Variants in LRP1B observed in about 807,000 individuals in gnomAD.
The protein encoded by LRP1B is LDL receptor related protein 1B.
LRP1B carries 217 observed loss-of-function variants against 556.6 expected under a neutral mutation model. The ratio of observed to expected loss-of-function variants is 0.39; its 90% CI spans 0.35 to 0.44. The LOEUF is 0.44. Among genes scored for constraint, LRP1B ranks in the 20% least tolerant of loss-of-function variants. The probability of loss-of-function intolerance (pLI) is 1.00; values close to 1 mark genes in which losing one functional copy is unlikely to be tolerated. For missense variants in LRP1B, 5,053 were observed against 5,620.8 expected, an observed-to-expected ratio of 0.90 and a Z score of 3.23; for synonymous variants, 2,047 against 1,865.8, an observed-to-expected ratio of 1.10 and a Z score of -2.50.
chr2:141,887,115 C>G (rs921070331), intron 1 of LRP1B, among the ~76,000 whole-genome samples: 2 of 152,038 alleles, frequency 1.3e-5, no homozygotes, highest in Non-Finnish European at 1.5e-5. Flanking sequence ...CCTGCTTCAG[C>G]CTCCCTAGTA....
chr2:140,862,417 T>C (rs1350818610), intron 27 of LRP1B, among the ~76,000 whole-genome samples: 1 of 152,140 alleles, frequency 6.6e-6, no homozygotes, highest in East Asian at 1.9e-4. Context: ...TGCAGCAGAG[T>C]AACTGCAACA....
intron 1 of LRP1B, among the ~76,000 whole-genome samples, chr2:141,949,462 C>A (rs1406937569): frequency 6.6e-6 from 1 of 152,170 alleles, no homozygotes; most frequent in African/African-American, 2.4e-5. Context: ...ATGATCTCAG[C>A]TCACTGCAAC....
Position 140,541,656 on chromosome 2 carries a change from A to C in LRP1B, c.7387+123T>G, listed in dbSNP as rs983055671. On this transcript the variant is annotated intron_variant, in intron 44 of 90. Coordinates refer to ENST00000389484, the MANE Select transcript of LRP1B (RefSeq NM_018557.3). ...AAAAAACAAAATCCACAGTCATAGT[A>C]ACAAAAAATAATATTTTTTAAAAGA... is the stretch of plus-strand genomic sequence containing the variant. 13 of 786,308 alleles carry C rather than the reference A, an allele frequency of 1.7e-5. No homozygotes were observed. The African/African-American group carries it at 2.1e-4, about 13-fold the overall frequency. 48.7% of individuals were successfully genotyped at this position (786,308 alleles called of 1,614,324 possible).
chr2:141,155,528 G>T (rs1702045993), intron 7 of LRP1B, among the ~76,000 whole-genome samples: 1 of 151,270 alleles, frequency 6.6e-6, no homozygotes. Context: ...TACAGAACGT[G>T]CAGGTTTGTT....
intron 1 of LRP1B, among the ~76,000 whole-genome samples, chr2:141,912,416 A>G (rs763299154): frequency 2.6e-5 from 4 of 152,184 alleles, no homozygotes; most frequent in Non-Finnish European, 5.9e-5. Flanking sequence ...AATGATCAAC[A>G]CTATCGCAGC....
intron 41 of LRP1B, among the ~76,000 whole-genome samples, chr2:140,626,354 A>G (rs1198654711): frequency 6.6e-6 from 1 of 152,186 alleles, no homozygotes; most frequent in Non-Finnish European, 1.5e-5. Flanking sequence ...GAGAACCCTA[A>G]TTTAAATTAT....
intron 3 of LRP1B, among the ~76,000 whole-genome samples, chr2:141,354,330 C>T (rs189850208): frequency 6.6e-6 from 1 of 152,006 alleles, no homozygotes; most frequent in Admixed American, 6.6e-5. Context: ...AGAAGGTCAG[C>T]AGAACCCATC....
At position 140,650,913 on chromosome 2, in the gene LRP1B, G is replaced by T. The variant is rs541492113; in HGVS notation, c.6800-49274C>A. Among the ~76,000 whole-genome samples, 91 of 152,050 alleles carry T rather than the reference G, an allele frequency of 6.0e-4. 2 individuals carry two copies. In the South Asian group the frequency reaches 0.019, roughly 32 times the overall value. ...CAAGCAGTGAGCCTCTTTAGCCAGGGCAACTCTAATAGAATAAACATGTTA... is the reference window on the plus strand; with the variant it reads ...CAAGCAGTGAGCCTCTTTAGCCAGGTCAACTCTAATAGAATAAACATGTTA... On this transcript the variant is annotated intron_variant, in intron 41 of 90. Coordinates refer to ENST00000389484, the MANE Select transcript of LRP1B (RefSeq NM_018557.3).
chr2:141,510,309 A>G (rs1373735012), intron 2 of LRP1B, among the ~76,000 whole-genome samples: 1 of 151,908 alleles, frequency 6.6e-6, no homozygotes, highest in Admixed American at 6.6e-5. Flanking sequence ...ACGAAATTTA[A>G]TAACTCCATG....
intron 84 of LRP1B, among the ~76,000 whole-genome samples, chr2:140,295,113 C>T (rs1340008271): frequency 6.6e-6 from 1 of 151,920 alleles, no homozygotes; most frequent in Non-Finnish European, 1.5e-5. Context: ...CTCCTGACCT[C>T]GTGATCCGCG....
At chr2:140,295,143 G>A in intron 84 of LRP1B, among the ~76,000 whole-genome samples, 1 of 152,218 alleles carries the variant, frequency 6.6e-6, no homozygotes, top group South Asian at 2.1e-4. Flanking sequence ...CTCTCAAAGT[G>A]CTGGGATTAC....
At chr2:140,435,678 AAAAAG>A (rs764574017) in intron 66 of LRP1B, among the ~76,000 whole-genome samples, 27 of 152,116 alleles carry the variant, frequency 1.8e-4, no homozygotes, top group Non-Finnish European at 2.8e-4. Context: ...AGAAAAAAAA[AAAAAG>A]AAAGAAACAT....
intron 6 of LRP1B, among the ~76,000 whole-genome samples, chr2:141,200,941 TC>T (rs1681988458): frequency 1.3e-5 from 2 of 152,162 alleles, no homozygotes; most frequent in Admixed American, 6.6e-5. Context: ...ACCTCTTCAG[TC>T]AGTTTAAGCA....
chr2:140,636,630 C>T (rs1462218046), intron 41 of LRP1B, among the ~76,000 whole-genome samples: 1 of 152,078 alleles, frequency 6.6e-6, no homozygotes, highest in African/African-American at 2.4e-5. Context: ...CATACCACAT[C>T]CTCCTTCATC....
At chr2:141,668,016 G>A (rs1324433633) in intron 2 of LRP1B, among the ~76,000 whole-genome samples, 1 of 152,138 alleles carries the variant, frequency 6.6e-6, no homozygotes, top group Non-Finnish European at 1.5e-5. Flanking sequence ...TGTATGTCAA[G>A]TCCCTAGTAT....
chr2:140,941,567 C>G (rs1695403234), intron 20 of LRP1B, among the ~76,000 whole-genome samples: 1 of 152,150 alleles, frequency 6.6e-6, no homozygotes, highest in Non-Finnish European at 1.5e-5. Flanking sequence ...CTTATTCTTA[C>G]ATACCATCTA....
chr2:141,977,195 A>T (rs1181701266), intron 1 of LRP1B, among the ~76,000 whole-genome samples: 2 of 152,050 alleles, frequency 1.3e-5, no homozygotes, highest in African/African-American at 4.8e-5. Context: ...AAAATTTTAA[A>T]TCCTATTTCT....
chr2:141,510,877 A>AAC (rs763698242), intron 2 of LRP1B, among the ~76,000 whole-genome samples: 167 of 141,356 alleles, frequency 1.2e-3, no homozygotes, highest in African/African-American at 4.2e-3. Context: ...TCCTTGTCTA[A>AAC]ACACACACAC....
intron 7 of LRP1B, among the ~76,000 whole-genome samples, chr2:141,084,743 G>A (rs1361136608): frequency 1.3e-5 from 2 of 151,180 alleles, no homozygotes; most frequent in African/African-American, 2.4e-5. Context: ...TCCGCTTCCC[G>A]GGTTCACGCC....
Sources: gnomAD v4.1 joint callset for allele counts (sites outside exome capture counted in the v4.1 genomes callset) on GRCh38, gnomAD v4.1.1 for gene constraint, MANE v1.5 for transcripts, NCBI Gene and HGNC (gene_info 2026-07-23, HGNC 2026-07-21) for gene names.